The following RALGAPA1 variants were observed in gnomAD, a reference collection of about 807,000 sequenced individuals.
The protein encoded by RALGAPA1 is ral GTPase-activating protein subunit alpha-1.
Under a neutral mutation model 269.6 loss-of-function variants are expected in RALGAPA1, and 52 were observed. That is an observed-to-expected ratio of 0.19 (90% CI 0.15 to 0.24). RALGAPA1 has a LOEUF of 0.24. RALGAPA1 is among the 10% of genes least tolerant of loss of function. The pLI is 1.00. For synonymous variants in RALGAPA1, 817 were observed against 1,008.3 expected (o/e 0.81, Z 3.60); for missense variants, 1,917 against 3,013.9 (o/e 0.64, Z 8.52).
At chr14:35,542,932 G>C (rs2054141707) in intron 41 of RALGAPA1, among the ~76,000 whole-genome samples, 1 of 152,186 alleles carries the variant, frequency 6.6e-6, no homozygotes, top group South Asian at 2.1e-4. Flanking sequence ...GAGCTCAAAA[G>C]ATCATTTTTT....
At chr14:35,799,435 G>A (rs2076814338) in intron 1 of RALGAPA1, among the ~76,000 whole-genome samples, 1 of 151,994 alleles carries the variant, frequency 6.6e-6, no homozygotes, top group South Asian at 2.1e-4. Flanking sequence ...GGCAATGCGT[G>A]CCTGTAATCC....
At chr14:35,641,282 T>C (rs1395531299) in intron 31 of RALGAPA1, among the ~76,000 whole-genome samples, 1 of 152,040 alleles carries the variant, frequency 6.6e-6, no homozygotes, top group Non-Finnish European at 1.5e-5. Context: ...GTATGCAAAT[T>C]GGAAAGGAAG....
At chr14:35,701,161 GAAAT>G (rs558983196) in intron 16 of RALGAPA1, among the ~76,000 whole-genome samples, 210 of 152,092 alleles carry the variant, frequency 1.4e-3, no homozygotes, top group African/African-American at 4.3e-3. Flanking sequence ...AGTTCACTTA[GAAAT>G]AAATAATCAA....
At chr14:35,775,850 A>G in intron 1 of RALGAPA1, 105 bp from the exon 2 acceptor site, 1 of 1,097,966 alleles carries the variant, frequency 9.1e-7, no homozygotes, top group Non-Finnish European at 1.2e-6. Context: ...TGCTCCTAAA[A>G]TTCTATTCTA....
At chr14:35,553,480 C>T (rs1293189967) in intron 39 of RALGAPA1, among the ~76,000 whole-genome samples, 2 of 152,118 alleles carry the variant, frequency 1.3e-5, no homozygotes, top group Admixed American at 6.6e-5. Context: ...CAACACCTTT[C>T]GTTCTCCACA....
intron 16 of RALGAPA1, among the ~76,000 whole-genome samples, chr14:35,714,850 T>G (rs533629671): frequency 1.3e-5 from 2 of 152,334 alleles, no homozygotes; most frequent in Non-Finnish European, 2.9e-5. Flanking sequence ...ATTTGAAAGT[T>G]TGGTCAGTAC....
At chr14:35,715,248 C>T (rs2068711285) in intron 16 of RALGAPA1, among the ~76,000 whole-genome samples, 1 of 152,134 alleles carries the variant, frequency 6.6e-6, no homozygotes, top group Admixed American at 6.5e-5. Context: ...TCACATTTCC[C>T]GTCTCAATGT....
At chr14:35,788,344 A>G (rs907782008) in intron 1 of RALGAPA1, among the ~76,000 whole-genome samples, 1 of 152,026 alleles carries the variant, frequency 6.6e-6, no homozygotes, top group Admixed American at 6.6e-5. Flanking sequence ...ATTCAATTTT[A>G]TTTCCTTAAG....
chr14:35,782,172 A>C (rs904669437), intron 1 of RALGAPA1, among the ~76,000 whole-genome samples: 5 of 152,232 alleles, frequency 3.3e-5, no homozygotes, highest in Admixed American at 6.5e-5. Flanking sequence ...CTGTATTTCT[A>C]TACACTGGCA....
intron 35 of RALGAPA1, 94 bp downstream of exon 35, chr14:35,625,267 T>C: frequency 1.3e-6 from 1 of 798,574 alleles, no homozygotes; most frequent in South Asian, 2.1e-5. Flanking sequence ...AATAACACAG[T>C]ATTATATACT....
rs764582132 is a variant in RALGAPA1 at position 35,683,815 on chromosome 14, T to C, written c.4465A>G (p.Ile1489Val). 1.4e-5 allele frequency: 23 copies of C among 1,593,756 alleles called. No homozygotes were observed. The highest frequency in any genetic ancestry group is 1.7e-5 in the Admixed American group (1 of 58,656). Reference protein sequence around the residue: ...QQAFSAEVATITGSESASPVH... With the variant: ...QQAFSAEVATVTGSESASPVH... ...TTCCCATGAATAACTTTACCAGTAA[T>C]AGTTGCAACTTCAGCAGAGAAAGCT... The change falls in exon 21 of 42, where the codon ATT (isoleucine) becomes GTT (valine). Residue 1489 changes from isoleucine (I) to valine (V), a missense_variant. Ile to Val is a conservative substitution (Grantham distance 29). Around this residue, in one of 11 missense-constraint regions of RALGAPA1, gnomAD observed 615 missense variants for 790.0 expected, o/e 0.78. Transcript: ENST00000680220.
intron 31 of RALGAPA1, among the ~76,000 whole-genome samples, chr14:35,649,359 G>A (rs2062662643): frequency 6.6e-6 from 1 of 152,084 alleles, no homozygotes. Context: ...ATTTTCTCAA[G>A]TGATTTTTCA....
chr14:35,713,389 C>A (rs2068531829), intron 16 of RALGAPA1, among the ~76,000 whole-genome samples: 1 of 152,154 alleles, frequency 6.6e-6, no homozygotes. Flanking sequence ...TATTCTCTAT[C>A]CCCACTGTTT....
chr14:35,728,927 G>A (rs1377009566), intron 12 of RALGAPA1, among the ~76,000 whole-genome samples: 4 of 151,910 alleles, frequency 2.6e-5, no homozygotes, highest in African/African-American at 9.7e-5. Context: ...TAGAGGTAGG[G>A]TTTCACTATA....
chr14:35,736,554 T>C (rs912247801), intron 12 of RALGAPA1, among the ~76,000 whole-genome samples: 6 of 151,864 alleles, frequency 4.0e-5, no homozygotes, highest in African/African-American at 1.5e-4. Context: ...AAGTGGACAA[T>C]GAAGTGAGAA....
chr14:35,658,109 T>C (rs1480506855), intron 28 of RALGAPA1, among the ~76,000 whole-genome samples: 1 of 152,204 alleles, frequency 6.6e-6, no homozygotes, highest in African/African-American at 2.4e-5. Flanking sequence ...GGTGATTCTA[T>C]TAAACTCTCA....
At position 35,689,652 on chromosome 14, in the gene RALGAPA1, A is replaced by G; in HGVS notation, c.2759T>C (p.Leu920Pro). 1 of 1,270,528 alleles carries G rather than the reference A, an allele frequency of 7.9e-7. No homozygotes were observed. Among genetic ancestry groups the G allele is most frequent in the Non-Finnish European group, 9.9e-7 (1 of 1,009,752 alleles). The allele number at this position is 1,270,528 out of a possible 1,614,324, so 78.7% of individuals were successfully genotyped here. The change falls in exon 18 of 42, where the codon CTT becomes CCT. Residue 920 changes from leucine to proline, a missense_variant. Coordinates refer to ENST00000680220, the MANE Select transcript of RALGAPA1 (RefSeq NM_001346249.2). ...GATTTGTTCAAAAGCTGAATCTGCA[A>G]GTTCTACTGGACCTATTAAATGACA... ...HLCHLIGPVE[L>P]ADSAFEQIQY... is the part of the protein sequence containing the mutation.
intron 31 of RALGAPA1, among the ~76,000 whole-genome samples, chr14:35,639,657 T>C (rs912688459): frequency 1.3e-5 from 2 of 152,150 alleles, no homozygotes; most frequent in Non-Finnish European, 2.9e-5. Flanking sequence ...TAAACAATAT[T>C]GGCCAGGTGC....
intron 17 of RALGAPA1, among the ~76,000 whole-genome samples, chr14:35,696,377 C>A: frequency 6.6e-6 from 1 of 151,838 alleles, no homozygotes; most frequent in African/African-American, 2.4e-5. Context: ...GCCTAGGCAA[C>A]AGAGCAAATT....
Sources: allele counts gnomAD v4.1 joint callset (sites outside exome capture counted in the v4.1 genomes callset), GRCh38; gene constraint gnomAD v4.1.1; regional missense constraint gnomAD v4.1.1; transcripts MANE v1.5; gene names NCBI Gene and HGNC (gene_info 2026-07-23, HGNC 2026-07-21).